PDPR: variants seen among roughly 807,000 people sequenced by gnomAD.
The protein encoded by PDPR is pyruvate dehydrogenase phosphatase regulatory subunit, mitochondrial.
In PDPR, 50 loss-of-function variants were observed where a neutral mutation model predicts 102.2. The observed-to-expected ratio is 0.49, with a 90% confidence interval of 0.39 to 0.62. The LOEUF (loss-of-function observed/expected upper bound fraction) is 0.62. Among genes scored for constraint, PDPR ranks in the 20% least tolerant of loss-of-function variants. The pLI is 0.00. For missense variants in PDPR, 625 were observed against 1,098.2 expected, an observed-to-expected ratio of 0.57 and a Z score of 6.09; for synonymous variants, 259 against 406.0, an observed-to-expected ratio of 0.64 and a Z score of 4.35.
In PDPR at chr16:70,160,248, A is replaced by G. The variant is rs1192738645; in HGVS notation, c.*3369A>G. ...GTCATTGACTTCCATCTAAGCTTGC[A>G]TCAGGAAGATGTTCCTTCTGTGATC... On this transcript the variant is annotated 3_prime_UTR_variant, in exon 19 of 19. Transcript: ENST00000288050. 6.6e-6 allele frequency: 1 copy of G among 152,626 alleles called. No homozygotes were observed. Among genetic ancestry groups the G allele is most frequent in the Middle Eastern group, 3.1e-3 (1 of 318 alleles). The allele number at this position is 152,626 out of a possible 1,614,324, so 9.5% of individuals were successfully genotyped here.
At chr16:70,156,404 C>T in intron 18 of PDPR, 71 bp from the exon 19 acceptor site, 1 of 1,558,780 alleles carries the variant, frequency 6.4e-7, no homozygotes, top group Middle Eastern at 1.8e-4. Context: ...GGGGACCCTT[C>T]CCACGGTGCT....
intron 3 of PDPR, among the ~76,000 whole-genome samples, chr16:70,121,695 A>T (rs1467477148): frequency 5.9e-5 from 9 of 152,200 alleles, no homozygotes; most frequent in South Asian, 2.1e-4. Context: ...GTCTCAAAAA[A>T]AAAAAAAAAG....
At chr16:70,123,613 C>T (rs1168932555) in intron 3 of PDPR, among the ~76,000 whole-genome samples, 2 of 152,252 alleles carry the variant, frequency 1.3e-5, no homozygotes, top group African/African-American at 4.8e-5. Flanking sequence ...CAGGTATTTC[C>T]ACAAAAAGTG....
At chr16:70,152,977 A>C (rs1204647668) in intron 17 of PDPR, among the ~76,000 whole-genome samples, 1 of 152,278 alleles carries the variant, frequency 6.6e-6, no homozygotes, top group African/African-American at 2.4e-5. Flanking sequence ...GTGAGGGAGT[A>C]ACAGTGGTTG....
At chr16:70,126,773 A>T (rs1171957160) in intron 3 of PDPR, among the ~76,000 whole-genome samples, 1 of 152,234 alleles carries the variant, frequency 6.6e-6, no homozygotes, top group Non-Finnish European at 1.5e-5. Flanking sequence ...TGAACCTGCT[A>T]CCTCAGCCTG....
chr16:70,133,013 G>T (rs1226219336), intron 9 of PDPR, among the ~76,000 whole-genome samples: 1 of 151,700 alleles, frequency 6.6e-6, no homozygotes, highest in Non-Finnish European at 1.5e-5. Context: ...GGGTCTCGCT[G>T]TGTTGCCCAG....
At chr16:70,152,096 T>C (rs1038340832) in intron 17 of PDPR, among the ~76,000 whole-genome samples, 2 of 152,292 alleles carry the variant, frequency 1.3e-5, no homozygotes, top group Non-Finnish European at 2.9e-5. Flanking sequence ...AGATGCCAGC[T>C]GTGTATTCTC....
intron 2 of PDPR, among the ~76,000 whole-genome samples, chr16:70,119,124 A>G (rs1405436329): frequency 6.6e-6 from 1 of 152,006 alleles, no homozygotes; most frequent in Non-Finnish European, 1.5e-5. Context: ...AGTTTCTTGA[A>G]ACTTGAACAG....
Position 70,142,102 on chromosome 16 carries a change from A to AG in PDPR, c.1316-132_1316-131insG. 2.5e-5 allele frequency: 24 copies of AG among 976,642 alleles called. No homozygotes were observed. The South Asian group carries it at 4.4e-4, about 18-fold the overall frequency. The allele number at this position is 976,642 out of a possible 1,614,324, so 60.5% of individuals were successfully genotyped here. ...ACAACAAGAGCAAAACTCCGTCTTA[A>AG]AAAAAAAAAAAAACTACGTTAGCCT... On this transcript the variant is annotated intron_variant, in intron 11 of 18. Coordinates refer to ENST00000288050, the MANE Select transcript of PDPR (RefSeq NM_017990.5).
chr16:70,148,817 CAACT>C (rs1402733212), intron 17 of PDPR, among the ~76,000 whole-genome samples: 1 of 152,366 alleles, frequency 6.6e-6, no homozygotes, highest in East Asian at 1.9e-4. Context: ...CTGTTCTCAC[CAACT>C]GTCACCAATA....
chr16:70,155,008 A>G (rs1269450141), intron 18 of PDPR, among the ~76,000 whole-genome samples: 2 of 152,130 alleles, frequency 1.3e-5, no homozygotes, highest in African/African-American at 2.4e-5. Flanking sequence ...CCCGGCCAAC[A>G]TGGTGAAACC....
intron 3 of PDPR, among the ~76,000 whole-genome samples, chr16:70,125,110 C>T (rs1330028402): frequency 6.6e-6 from 1 of 152,188 alleles, no homozygotes; most frequent in African/African-American, 2.4e-5. Flanking sequence ...GGTGCAGTGG[C>T]TTATGCCGGT....
chr16:70,132,813 A>G (rs1314447199), intron 9 of PDPR, among the ~76,000 whole-genome samples: 3 of 152,184 alleles, frequency 2.0e-5, no homozygotes, highest in Admixed American at 6.6e-5. Context: ...AGTCATCTCT[A>G]TCATTTTGTG....
At chr16:70,156,373 T>C in intron 18 of PDPR, 102 bp from the exon 19 acceptor site, 2 of 1,394,348 alleles carry the variant, frequency 1.4e-6, no homozygotes, top group Non-Finnish European at 2.0e-6. Flanking sequence ...GAGGCGGCTG[T>C]GCCCCATTGC....
At chr16:70,119,894 T>C (rs1454580971) in intron 2 of PDPR, among the ~76,000 whole-genome samples, 3 of 12,422 alleles carry the variant, frequency 2.4e-4, no homozygotes, top group Non-Finnish European at 6.2e-4. Flanking sequence ...CAAATATTTC[T>C]TTTTTTGTTT....
intron 11 of PDPR, among the ~76,000 whole-genome samples, chr16:70,141,342 AC>A (rs1397687924): frequency 1.3e-3 from 204 of 152,266 alleles, no homozygotes; most frequent in Non-Finnish European, 2.1e-3. Context: ...GAGCCACCAC[AC>A]CCGGCCTAAG....
chr16:70,156,865 T>C lies in PDPR; in HGVS notation c.2626T>C (p.Leu876=). The C allele has an allele frequency of 6.2e-7, 1 of 1,613,702 alleles. No individual in the cohort carries two copies. Among genetic ancestry groups the C allele is most frequent in the Non-Finnish European group, 8.5e-7 (1 of 1,179,736 alleles). The stretch of plus-strand genomic sequence containing the variant: ...AAAGGATGACATGGAGCTGAGTGAC[T>C]TACATGGGAAGTGATGCCACCAGGG... ...RRKDDMELSD[L]HGK is the part of the protein sequence containing the mutation. Residue 876 remains leucine, a synonymous_variant, in exon 19 of 19, where the codon TTA becomes CTA. Coordinates refer to ENST00000288050, the MANE Select transcript of PDPR (RefSeq NM_017990.5).
intron 4 of PDPR, among the ~76,000 whole-genome samples, chr16:70,127,666 C>A (rs1241559079): frequency 2.0e-5 from 3 of 152,254 alleles, no homozygotes; most frequent in East Asian, 3.8e-4. Context: ...TACTGTACTT[C>A]TTTTGAAAAT....
chr16:70,135,733 T>G (rs566871886), intron 9 of PDPR, among the ~76,000 whole-genome samples: 1 of 152,398 alleles, frequency 6.6e-6, no homozygotes, highest in East Asian at 1.9e-4. Context: ...CTACCAAGGT[T>G]TCTGCTTTGT....
Sources: allele counts gnomAD v4.1 joint callset (sites outside exome capture counted in the v4.1 genomes callset), GRCh38; gene constraint gnomAD v4.1.1; transcripts MANE v1.5; gene names NCBI Gene and HGNC (gene_info 2026-07-23, HGNC 2026-07-21).